The following TMEM178B variants were observed in gnomAD, a reference collection of about 807,000 sequenced individuals.
TMEM178B encodes the protein transmembrane protein 178B.
A neutral mutation model predicts 31.0 loss-of-function variants in TMEM178B; 5 were observed. The observed-to-expected ratio is 0.16, with a 90% CI of 0.08 to 0.34. The LOEUF is 0.34. TMEM178B is among the 10% of genes least tolerant of loss of function. TMEM178B has a pLI of 1.00. For missense variants in TMEM178B, 275 were observed against 400.3 expected, an observed-to-expected ratio of 0.69 and a Z score of 2.67; for synonymous variants, 164 against 164.0, an observed-to-expected ratio of 1.00 and a Z score of 0.00.
intron 2 of TMEM178B, among the ~76,000 whole-genome samples, chr7:141,299,152 C>G (rs992300443): frequency 2.0e-5 from 3 of 152,088 alleles, no homozygotes; most frequent in Admixed American, 1.3e-4. Flanking sequence ...TCCTCTGCCT[C>G]TTTCTTCTTA....
intron 1 of TMEM178B, among the ~76,000 whole-genome samples, chr7:141,127,748 A>G (rs1033887126): frequency 3.3e-5 from 5 of 152,208 alleles, no homozygotes; most frequent in African/African-American, 2.4e-5. Flanking sequence ...TAACACAAGC[A>G]CTGTGGGTTA....
At chr7:141,429,986 T>G (rs1213718828) in intron 2 of TMEM178B, 1 of 152,246 alleles carries the variant, frequency 6.6e-6, no homozygotes, top group Non-Finnish European at 1.5e-5. Flanking sequence ...TCCTGCCCCA[T>G]GTCTTTTCCT....
chr7:141,145,630 C>T (rs181992186), intron 1 of TMEM178B, among the ~76,000 whole-genome samples: 243 of 152,320 alleles, frequency 1.6e-3, no homozygotes, highest in South Asian at 3.1e-3. Context: ...CAGTGGCTCT[C>T]ACACATGAAC....
intron 2 of TMEM178B, among the ~76,000 whole-genome samples, chr7:141,330,280 A>G (rs1325331207): frequency 2.0e-5 from 3 of 152,086 alleles, no homozygotes; most frequent in Non-Finnish European, 2.9e-5. Flanking sequence ...CTCCCTCCCC[A>G]TGTACTCCCA....
chr7:141,468,603 T>C (rs943071068), intron 3 of TMEM178B, among the ~76,000 whole-genome samples: 1 of 151,842 alleles, frequency 6.6e-6, no homozygotes, highest in African/African-American at 2.4e-5. Flanking sequence ...CATCTTAGAG[T>C]TGTTTTATGA....
In TMEM178B at chr7:141,422,460, T is replaced by G. The variant is rs982486408; in HGVS notation, c.497-15148T>G. ...TCTTGTTGGTGTGATCGTACGCTAA[T>G]GGGCAAAGCTGTAGGATGGAGTCTT... On this transcript the variant is annotated intron_variant, in intron 2 of 3. Coordinates refer to ENST00000565468, the MANE Select transcript of TMEM178B (RefSeq NM_001195278.2). The surrounding 1 kb of genome is among the most constrained non-coding windows in gnomAD (Gnocchi z 4.2). Among the ~76,000 whole-genome samples the G allele has an allele frequency of 1.3e-5, 2 of 152,250 alleles. No homozygotes were observed. Among genetic ancestry groups the G allele is most frequent in the Non-Finnish European group, 2.9e-5 (2 of 68,038 alleles).
intron 2 of TMEM178B, among the ~76,000 whole-genome samples, chr7:141,324,214 G>A (rs192815796): frequency 3.9e-5 from 6 of 152,150 alleles, no homozygotes; most frequent in Admixed American, 3.9e-4. Flanking sequence ...ATTTTCATAG[G>A]ATCATAGCCT....
intron 1 of TMEM178B, among the ~76,000 whole-genome samples, chr7:141,194,642 C>T (rs1211071212): frequency 2.0e-5 from 3 of 152,160 alleles, no homozygotes; most frequent in Admixed American, 6.5e-5. Context: ...TGCAAGCTGT[C>T]GGTGGATCTA....
chr7:141,162,328 G>A (rs1335297827), intron 1 of TMEM178B, among the ~76,000 whole-genome samples: 1 of 152,170 alleles, frequency 6.6e-6, no homozygotes, highest in Non-Finnish European at 1.5e-5. Flanking sequence ...TGGCCTGACC[G>A]TCCTTTGACC....
intron 2 of TMEM178B, among the ~76,000 whole-genome samples, chr7:141,294,176 A>G (rs893932031): frequency 6.6e-6 from 1 of 152,192 alleles, no homozygotes; most frequent in Admixed American, 6.5e-5. Context: ...GTAAGATAAA[A>G]TAAAATGATG....
intron 1 of TMEM178B, among the ~76,000 whole-genome samples, chr7:141,112,612 A>G (rs1047833525): frequency 2.6e-5 from 4 of 152,224 alleles, no homozygotes; most frequent in African/African-American, 7.2e-5. Context: ...AGGCCAAAGT[A>G]TCAGTAATTT....
At chr7:141,486,200 T>G in the TMEM178B span, among the ~76,000 whole-genome samples, 3 of 152,232 alleles carry the variant, frequency 2.0e-5, no homozygotes, top group Admixed American at 6.5e-5. Context: ...TTAAATAATG[T>G]GTACACATGG....
intron 2 of TMEM178B, among the ~76,000 whole-genome samples, chr7:141,367,557 C>T (rs1364687268): frequency 6.6e-6 from 1 of 152,114 alleles, no homozygotes; most frequent in South Asian, 2.1e-4. Flanking sequence ...TAAGCCACTG[C>T]GCCCAGCTGA....
chr7:141,325,642 G>A (rs969077603), intron 2 of TMEM178B, among the ~76,000 whole-genome samples: 2 of 152,174 alleles, frequency 1.3e-5, no homozygotes, highest in Admixed American at 1.3e-4. Context: ...GACTTCTTGG[G>A]AAGGCCACAG....
At chr7:141,352,957 T>C (rs1407182045) in intron 2 of TMEM178B, among the ~76,000 whole-genome samples, 1 of 152,204 alleles carries the variant, frequency 6.6e-6, no homozygotes, top group African/African-American at 2.4e-5. Flanking sequence ...AGAATACAAC[T>C]TCTCTTCTTG....
intron 2 of TMEM178B, among the ~76,000 whole-genome samples, chr7:141,302,222 G>A (rs1314929797): frequency 6.6e-6 from 1 of 152,142 alleles, no homozygotes; most frequent in Non-Finnish European, 1.5e-5. Context: ...AAAACAATGT[G>A]GTGTATCCAT....
intron 2 of TMEM178B, among the ~76,000 whole-genome samples, chr7:141,223,721 G>A (rs1269384346): frequency 6.6e-6 from 1 of 152,030 alleles, no homozygotes; most frequent in Non-Finnish European, 1.5e-5. Flanking sequence ...TCTGGGGAAG[G>A]TTGGCACAGA....
Position 141,106,360 on chromosome 7 carries a change from T to C in TMEM178B, c.382+31668T>C, listed in dbSNP as rs1202798006. Among the ~76,000 whole-genome samples, 6 of 152,354 alleles carry C rather than the reference T, an allele frequency of 3.9e-5. No homozygotes were observed. The East Asian group carries it at 1.2e-3, about 29-fold the overall frequency. On this transcript the variant is annotated intron_variant, in intron 1 of 3. Coordinates refer to ENST00000565468, the MANE Select transcript of TMEM178B (RefSeq NM_001195278.2). ...TAAACCGTTAAATAATTTAACAGTA[T>C]TTGTATATTAAAACACATAGATATA... is the stretch of plus-strand genomic sequence containing the variant.
At chr7:141,204,855 C>G (rs1425058746) in intron 1 of TMEM178B, among the ~76,000 whole-genome samples, 3 of 152,170 alleles carry the variant, frequency 2.0e-5, no homozygotes, top group African/African-American at 7.2e-5. Flanking sequence ...GGATCTTGCT[C>G]TGTCACCCAG....
Sources: gnomAD v4.1 joint callset for allele counts (sites outside exome capture counted in the v4.1 genomes callset) on GRCh38, gnomAD v4.1.1 for gene constraint, Gnocchi (gnomAD v3.1) non-coding constraint, MANE v1.5 for transcripts, NCBI Gene and HGNC (gene_info 2026-07-23, HGNC 2026-07-21) for gene names.